Variants in FBXO36 observed in about 807,000 individuals in gnomAD.
The protein encoded by FBXO36 is F-box only protein 36.
A neutral mutation model predicts 17.0 loss-of-function variants in FBXO36; 18 were observed. The ratio of observed to expected loss-of-function variants is 1.06; its 90% confidence interval spans 0.73 to 1.57. The LOEUF (loss-of-function observed/expected upper bound fraction) is 1.57, where lower values mean the gene tolerates loss of function less well. FBXO36 is among the 40% of genes most tolerant of loss of function. The pLI, the probability that FBXO36 is intolerant of heterozygous loss-of-function variation, is 0.00. For missense variants in FBXO36, 229 were observed against 221.9 expected (o/e 1.03, Z -0.20); for synonymous variants, 83 against 85.3 (o/e 0.97, Z 0.15).
At chr2:229,938,195 G>A (rs1198662817) in intron 1 of FBXO36, among the ~76,000 whole-genome samples, 1 of 146,548 alleles carries the variant, frequency 6.8e-6, no homozygotes, top group Non-Finnish European at 1.5e-5. Flanking sequence ...GCGCCCAACC[G>A]GATTGGTTAG....
chr2:229,994,035 G>T (rs1337884287), intron 2 of FBXO36, among the ~76,000 whole-genome samples: 1 of 152,084 alleles, frequency 6.6e-6, no homozygotes, highest in African/African-American at 2.4e-5. Context: ...GACTCCCAAA[G>T]TGCTGGGATT....
intron 2 of FBXO36, among the ~76,000 whole-genome samples, chr2:229,978,952 G>A (rs6710926): frequency 0.23 from 35,142 of 151,872 alleles, 5,075 homozygotes; most frequent in Middle Eastern, 0.38. Context: ...CCAGGTGGGT[G>A]GATCACCTGA....
chr2:230,010,044 C>A (rs1285428801), intron 3 of FBXO36, among the ~76,000 whole-genome samples: 1 of 152,080 alleles, frequency 6.6e-6, no homozygotes, highest in Admixed American at 6.5e-5. Flanking sequence ...GGCAGATCAC[C>A]TGAGGTCGGG....
intron 1 of FBXO36, among the ~76,000 whole-genome samples, chr2:229,944,553 T>C (rs1026285165): frequency 1.3e-5 from 2 of 152,008 alleles, no homozygotes; most frequent in African/African-American, 4.8e-5. Context: ...AAATTTTCAA[T>C]AGTTAGTGGC....
chr2:230,005,291 TG>T (rs11323629), intron 3 of FBXO36, among the ~76,000 whole-genome samples: 20,984 of 152,020 alleles, frequency 0.14, 1,820 homozygotes, highest in Middle Eastern at 0.2. Flanking sequence ...TTGTAGAGAC[TG>T]GGTCTTGCTA....
intron 1 of FBXO36, among the ~76,000 whole-genome samples, chr2:229,944,486 T>C (rs558399292): frequency 6.6e-6 from 1 of 152,278 alleles, no homozygotes; most frequent in South Asian, 2.1e-4. Flanking sequence ...AGGCAAAAAA[T>C]TCTTTTATTA....
At chr2:230,004,932 G>T (rs533063652) in intron 3 of FBXO36, among the ~76,000 whole-genome samples, 1 of 152,232 alleles carries the variant, frequency 6.6e-6, no homozygotes, top group African/African-American at 2.4e-5. Context: ...CTTGAACCCA[G>T]AAGGCAGAGT....
intron 1 of FBXO36, among the ~76,000 whole-genome samples, chr2:229,939,898 A>G (rs1157245168): frequency 1.3e-5 from 2 of 152,154 alleles, no homozygotes; most frequent in Non-Finnish European, 2.9e-5. Flanking sequence ...CCTGATCAAC[A>G]TGGTGAAACC....
chr2:229,926,624 A>G (rs2076913751), intron 1 of FBXO36, among the ~76,000 whole-genome samples: 1 of 149,322 alleles, frequency 6.7e-6, no homozygotes, highest in Non-Finnish European at 1.5e-5. Flanking sequence ...TGAGCCTGTA[A>G]TCCCAGCCAC....
At chr2:229,957,549 C>T (rs2077095229) in intron 1 of FBXO36, among the ~76,000 whole-genome samples, 1 of 152,234 alleles carries the variant, frequency 6.6e-6, no homozygotes, top group Middle Eastern at 3.4e-3. Flanking sequence ...TGCACTTCAG[C>T]CTGGGCGATA....
rs111683112 is a variant in FBXO36, at chr2:229,961,626, G to A, written c.97-14615G>A. Among the ~76,000 whole-genome samples the A allele has an allele frequency of 5.2e-3, 797 of 152,086 alleles. 10 individuals carry two copies. Among genetic ancestry groups the A allele is most frequent in the African/African-American group, 0.017 (718 of 41,472 alleles). ...CCTGACCTTGTGATCCGCCTGCCTC[G>A]GCCTCCCAAAGTGCTGAGGTTACAG... On this transcript the variant is annotated intron_variant, in intron 1 of 3. Coordinates refer to ENST00000283946, the MANE Select transcript of FBXO36 (RefSeq NM_174899.5).
chr2:230,004,149 A>G (rs925699772), intron 3 of FBXO36, among the ~76,000 whole-genome samples: 7 of 151,968 alleles, frequency 4.6e-5, no homozygotes, highest in Non-Finnish European at 8.8e-5. Flanking sequence ...TTTGCTTAAC[A>G]CTGCTCTCTT....
chr2:229,996,267 A>G (rs1296608028), intron 2 of FBXO36, among the ~76,000 whole-genome samples: 1 of 143,190 alleles, frequency 7.0e-6, no homozygotes, highest in Non-Finnish European at 1.5e-5. Flanking sequence ...GACCCCATCT[A>G]AAAAAAAAAA....
intron 1 of FBXO36, among the ~76,000 whole-genome samples, chr2:229,948,886 C>T (rs963996261): frequency 1.3e-5 from 2 of 152,010 alleles, no homozygotes; most frequent in Non-Finnish European, 2.9e-5. Context: ...CAGGCTGGAG[C>T]GCAGTGGCAT....
chr2:229,944,927 A>G (rs1156523673), intron 1 of FBXO36, among the ~76,000 whole-genome samples: 1 of 152,180 alleles, frequency 6.6e-6, no homozygotes, highest in Non-Finnish European at 1.5e-5. Context: ...CTAATAAATA[A>G]TTTAGTTAGG....
At position 230,011,903 on chromosome 2, in the gene FBXO36, A is replaced by G. The variant is rs1046842097; in HGVS notation, c.*1019A>G. The G allele has an allele frequency of 6.6e-6, 1 of 151,100 alleles. No homozygotes were observed. Among genetic ancestry groups the G allele is most frequent in the African/African-American group, 2.5e-5 (1 of 40,376 alleles). The allele number at this position is 151,100 out of a possible 1,614,324, so 9.4% of individuals were successfully genotyped here. A position where few individuals can be genotyped will look rare whatever the true frequency, so the allele number is the denominator to read the frequency against. On this transcript the variant is annotated 3_prime_UTR_variant, in exon 4 of 4. Transcript: ENST00000283946. Reference sequence around the variant, plus strand: ...CTGTTAACATGGCAGAGGGGTAAAAAGAATACAGTCCTGGGGAGAAAGGTC... The same window carrying G: ...CTGTTAACATGGCAGAGGGGTAAAAGGAATACAGTCCTGGGGAGAAAGGTC...
intron 1 of FBXO36, chr2:229,939,268 G>C (rs2106160680): frequency 1.0e-6 from 1 of 985,088 alleles, no homozygotes; most frequent in South Asian, 4.7e-5. Context: ...GATTATATGA[G>C]GTAAGATATA....
At position 229,939,165 on chromosome 2, in the gene FBXO36, T is replaced by G. The variant is rs539237816; in HGVS notation, c.96+16556T>G. ...GGTTCCCGGGTTCAAGCGATTCTCC[T>G]GCTTCAGCCTCCCAAGTATCTGGGA... On this transcript the variant is annotated intron_variant, in intron 1 of 3. Transcript: ENST00000283946. 6.9e-5 allele frequency: 63 copies of G among 912,436 alleles called. No individual in the cohort carries two copies. The African/African-American group carries it at 1.0e-3, about 15-fold the overall frequency. The allele number at this position is 912,436 out of a possible 1,614,324, so 56.5% of individuals were successfully genotyped here.
rs2077414666 is a variant in FBXO36, at chr2:230,011,375, T to G, written c.*491T>G. 1 of 153,118 alleles carries G rather than the reference T, an allele frequency of 6.5e-6. No homozygotes were observed. Among genetic ancestry groups the G allele is most frequent in the Admixed American group, 6.5e-5 (1 of 15,408 alleles). 9.5% of individuals were successfully genotyped at this position (153,118 alleles called of 1,614,324 possible). A position where few individuals can be genotyped will look rare whatever the true frequency, so the allele number is the denominator to read the frequency against. On this transcript the variant is annotated 3_prime_UTR_variant, in exon 4 of 4. Coordinates refer to ENST00000283946, the MANE Select transcript of FBXO36 (RefSeq NM_174899.5). The stretch of plus-strand genomic sequence containing the variant: ...TACCACGGGAGGCACTCAGGGTGGG[T>G]GCAGCTGCCTTCCCAACTTTGTTCT...
Sources: allele counts gnomAD v4.1 joint callset (sites outside exome capture counted in the v4.1 genomes callset), GRCh38; gene constraint gnomAD v4.1.1; transcripts MANE v1.5; gene names NCBI Gene and HGNC (gene_info 2026-07-23, HGNC 2026-07-21).